Variants in CHRNB3 observed in about 807,000 individuals in gnomAD.
CHRNB3 encodes the protein cholinergic receptor nicotinic beta 3 subunit.
In CHRNB3, 37 loss-of-function variants were observed where a neutral mutation model predicts 40.6. That is an observed-to-expected ratio of 0.91 (90% confidence interval 0.70 to 1.20). CHRNB3 has a LOEUF of 1.20. Ranked by LOEUF, CHRNB3 falls within the 50% of genes most tolerant of loss-of-function variation. The pLI is 0.00. For missense variants in CHRNB3, 505 were observed against 551.2 expected, an observed-to-expected ratio of 0.92 and a Z score of 0.84; for synonymous variants, 207 against 207.1, an observed-to-expected ratio of 1.00 and a Z score of 0.00.
chr8:42,701,153 G>A (rs1464062829), intron 1 of CHRNB3, among the ~76,000 whole-genome samples: 3 of 149,190 alleles, frequency 2.0e-5, no homozygotes, highest in Non-Finnish European at 4.5e-5. Context: ...GCTTGAACCA[G>A]GGAGTCGGAG....
intron 4 of CHRNB3, 25 bp downstream of exon 4, chr8:42,730,728 T>C: frequency 6.9e-7 from 1 of 1,451,212 alleles, no homozygotes; most frequent in East Asian, 2.3e-5. Flanking sequence ...GTTTCTTACT[T>C]ATGGGGAAAA....
intron 1 of CHRNB3, chr8:42,706,136 G>A (rs1039385876): frequency 6.6e-6 from 1 of 152,314 alleles, no homozygotes. Context: ...AATGACATTT[G>A]AGCAAAGACT....
At chr8:42,715,251 G>A (rs1340801247) in intron 3 of CHRNB3, among the ~76,000 whole-genome samples, 2 of 152,108 alleles carry the variant, frequency 1.3e-5, no homozygotes, top group South Asian at 2.1e-4. Context: ...AGAAAGTCAG[G>A]GAAAGCTCCC....
chr8:42,731,613 CA>C, intron 4 of CHRNB3, 53 bp from the exon 5 acceptor site: 3 of 1,515,108 alleles, frequency 2.0e-6, no homozygotes, highest in South Asian at 1.3e-5. Flanking sequence ...GGAAAAAGAA[CA>C]AAAACTAGCA....
At position 42,732,221 on chromosome 8, in the gene CHRNB3, T is replaced by G; in HGVS notation, c.914T>G (p.Ile305Ser). The change falls in exon 5 of 6, where the codon ATT (isoleucine) becomes AGT (serine). Residue 305 changes from isoleucine (I) to serine (S), a missense_variant. By Grantham distance (142) the Ile-to-Ser change is moderately radical (BLOSUM62 -2). Coordinates refer to ENST00000289957, the MANE Select transcript of CHRNB3 (RefSeq NM_000749.5). The part of the protein sequence containing the change: ...LIGEYLLFIM[I>S]FVTLSIIVTV... ...GGAGAGTACCTGCTGTTCATCATGATTTTTGTGACCCTGTCCATCATTGTT... is the reference window on the plus strand; with the variant it reads ...GGAGAGTACCTGCTGTTCATCATGAGTTTTGTGACCCTGTCCATCATTGTT... 1 of 1,610,480 alleles carries G rather than the reference T, an allele frequency of 6.2e-7. No individual in the cohort carries two copies. Among genetic ancestry groups the G allele is most frequent in the Non-Finnish European group, 8.5e-7 (1 of 1,178,832 alleles).
At chr8:42,716,914 A>T (rs934624311) in intron 3 of CHRNB3, among the ~76,000 whole-genome samples, 4 of 152,122 alleles carry the variant, frequency 2.6e-5, no homozygotes, top group African/African-American at 9.7e-5. Flanking sequence ...TCCTCTCCCC[A>T]TGACAATCCT....
At chr8:42,718,213 T>G (rs79579093) in intron 3 of CHRNB3, among the ~76,000 whole-genome samples, 3,821 of 152,204 alleles carry the variant, frequency 0.025, 181 homozygotes, top group African/African-American at 0.087. Flanking sequence ...TATGTCATGT[T>G]GGTGCCTTTA....
At chr8:42,711,116 C>G (rs981662805) in intron 3 of CHRNB3, among the ~76,000 whole-genome samples, 3 of 152,122 alleles carry the variant, frequency 2.0e-5, no homozygotes, top group Non-Finnish European at 4.4e-5. Context: ...AATTACCATT[C>G]AAATCCCAGT....
intron 3 of CHRNB3, among the ~76,000 whole-genome samples, chr8:42,716,462 G>A (rs1816107258): frequency 6.6e-6 from 1 of 152,102 alleles, no homozygotes; most frequent in Non-Finnish European, 1.5e-5. Flanking sequence ...GCTTCACCGA[G>A]GAAAGAACTC....
At chr8:42,710,842 AATCTACCTCT>A (rs1452345246) in intron 3 of CHRNB3, among the ~76,000 whole-genome samples, 1 of 152,176 alleles carries the variant, frequency 6.6e-6, no homozygotes, top group African/African-American at 2.4e-5. Context: ...CTGTGGGTAG[AATCTACCTCT>A]AATACCTCTT....
intron 1 of CHRNB3, among the ~76,000 whole-genome samples, chr8:42,702,435 C>T (rs1304552084): frequency 6.6e-6 from 1 of 152,094 alleles, no homozygotes; most frequent in Non-Finnish European, 1.5e-5. Flanking sequence ...CACACCCAGC[C>T]CCACAGGAAA....
chr8:42,715,580 C>T (rs939865664), intron 3 of CHRNB3, among the ~76,000 whole-genome samples: 2 of 152,098 alleles, frequency 1.3e-5, no homozygotes, highest in Admixed American at 6.5e-5. Flanking sequence ...TCCATGGTAG[C>T]GCATGCAAAT....
intron 3 of CHRNB3, chr8:42,726,024 G>A (rs1408386366): frequency 2.0e-6 from 2 of 996,306 alleles, no homozygotes; most frequent in East Asian, 4.7e-5. Flanking sequence ...AGTCGTCTGA[G>A]ACGTACCTTG....
At chr8:42,720,925 C>T (rs1447703706) in intron 3 of CHRNB3, among the ~76,000 whole-genome samples, 1 of 152,238 alleles carries the variant, frequency 6.6e-6, no homozygotes, top group Non-Finnish European at 1.5e-5. Flanking sequence ...TAAAGACCTT[C>T]GGTGCCTGTA....
rs1554589400 is a variant in CHRNB3 at position 42,703,440 on chromosome 8, T to TAAAAAAAA, written c.53-5277_53-5276insAAAAAAAA. On this transcript the variant is annotated intron_variant, in intron 1 of 5. Coordinates refer to ENST00000289957, the MANE Select transcript of CHRNB3 (RefSeq NM_000749.5). The stretch of plus-strand genomic sequence containing the variant: ...CTTCGTCTAAAAAAAAAAAAAATAT[T>TAAAAAAAA]TATATATATATATATATATATGTAT... 9.9e-5 allele frequency among the ~76,000 whole-genome samples: 8 copies of TAAAAAAAA among 80,698 alleles called. 1 individual carries two copies. Among genetic ancestry groups the TAAAAAAAA allele is most frequent in the South Asian group, 5.5e-4 (1 of 1,824 alleles). 52.9% of individuals were successfully genotyped at this position (80,698 alleles called of 152,430 possible). A position where few individuals can be genotyped will look rare whatever the true frequency, so the allele number is the denominator to read the frequency against.
At chr8:42,711,714 G>T (rs2128905810) in intron 3 of CHRNB3, among the ~76,000 whole-genome samples, 1 of 152,224 alleles carries the variant, frequency 6.6e-6, no homozygotes, top group South Asian at 2.1e-4. Flanking sequence ...TTAGATTCAG[G>T]AGTTACATGT....
At chr8:42,734,644 T>C (rs184648706) in intron 5 of CHRNB3, among the ~76,000 whole-genome samples, 2,019 of 151,588 alleles carry the variant, frequency 0.013, 21 homozygotes, top group Non-Finnish European at 0.021. Context: ...TGGTGTCGAT[T>C]TCCTGACCTC....
At chr8:42,698,097 C>T (rs1815708305) in intron 1 of CHRNB3, among the ~76,000 whole-genome samples, 1 of 151,810 alleles carries the variant, frequency 6.6e-6, no homozygotes, top group South Asian at 2.1e-4. Context: ...CAATTAAACA[C>T]CAATGTATCA....
In CHRNB3 at chr8:42,732,191, T is replaced by G. The variant is rs1023311141; in HGVS notation, c.884T>G (p.Leu295Arg). ...IIPSSSKVIP[L>R]IGEYLLFIMI... ...CCATCGTCTTCCAAAGTCATTCCTCTCATTGGAGAGTACCTGCTGTTCATC... is the reference window on the plus strand; with the variant it reads ...CCATCGTCTTCCAAAGTCATTCCTCGCATTGGAGAGTACCTGCTGTTCATC... Residue 295 changes from leucine (L) to arginine (R), a missense_variant, in exon 5 of 6, where the codon CTC (leucine) becomes CGC (arginine). Physicochemically the swap from Leu to Arg is moderately radical, Grantham distance 102. Coordinates refer to ENST00000289957, the MANE Select transcript of CHRNB3 (RefSeq NM_000749.5). 5.6e-6 allele frequency: 9 copies of G among 1,609,350 alleles called. No individual in the cohort carries two copies. The highest frequency in any genetic ancestry group is 7.6e-6 in the Non-Finnish European group (9 of 1,178,430).
Sources: gnomAD v4.1 joint callset for allele counts (sites outside exome capture counted in the v4.1 genomes callset) on GRCh38, gnomAD v4.1.1 for gene constraint, MANE v1.5 for transcripts, NCBI Gene and HGNC (gene_info 2026-07-23, HGNC 2026-07-21) for gene names.